RAB29: variants seen among roughly 807,000 people sequenced by gnomAD.
RAB29 encodes RAB29, member RAS oncogene family, also known as ras-related protein Rab-29.
Under a neutral mutation model 25.5 loss-of-function variants are expected in RAB29, and 13 were observed. The observed-to-expected ratio is 0.51, with a 90% CI of 0.33 to 0.81. RAB29 has a LOEUF of 0.81. Among genes scored for constraint, RAB29 ranks in the 30% least tolerant of loss-of-function variants. The pLI is 0.02. For synonymous variants in RAB29, 88 were observed against 95.0 expected (o/e 0.93, Z 0.43); for missense variants, 201 against 254.9 (o/e 0.79, Z 1.44).
chr1:205,775,411 C>T lies in RAB29; in HGVS notation c.-269G>A, dbSNP rs566088238. 6.4e-6 allele frequency: 1 copy of T among 155,438 alleles called. No individual in the cohort carries two copies. The highest frequency in any genetic ancestry group is 2.4e-5 in the African/African-American group (1 of 41,488). 9.6% of individuals were successfully genotyped at this position (155,438 alleles called of 1,614,324 possible). On this transcript the variant is annotated 5_prime_UTR_variant, in exon 1 of 6. Transcript: ENST00000367139. ...AAGGAGCAGCCGGCACCTCGATTCCCTAGACGCCCTCCCGCGCGCCTCTCT... is the reference window on the plus strand; with the variant it reads ...AAGGAGCAGCCGGCACCTCGATTCCTTAGACGCCCTCCCGCGCGCCTCTCT...
intron 2 of RAB29, among the ~76,000 whole-genome samples, chr1:205,774,047 A>G (rs1431814952): frequency 6.6e-6 from 1 of 152,184 alleles, no homozygotes; most frequent in Non-Finnish European, 1.5e-5. Context: ...CTCTGAAAAA[A>G]TAGTTGAGTC....
At position 205,768,913 on chromosome 1, in the gene RAB29, A is replaced by G. The variant is rs1654849098; in HGVS notation, c.*1429T>C. Reference sequence around the variant, plus strand: ...TATTCCCGACCAGCCAGATTTGGGAACCACTGACTTAGGACACTTATTTAA... The same window carrying G: ...TATTCCCGACCAGCCAGATTTGGGAGCCACTGACTTAGGACACTTATTTAA... On this transcript the variant is annotated 3_prime_UTR_variant, in exon 6 of 6. Coordinates refer to ENST00000367139, the MANE Select transcript of RAB29 (RefSeq NM_003929.3). The G allele has an allele frequency of 6.6e-6, 1 of 152,174 alleles. No homozygotes were observed. The highest frequency in any genetic ancestry group is 2.4e-5 in the African/African-American group (1 of 41,444). The allele number at this position is 152,174 out of a possible 1,614,324, so 9.4% of individuals were successfully genotyped here.
At chr1:205,772,696 C>A in intron 2 of RAB29, 129 bp from the exon 3 acceptor site, 1 of 834,018 alleles carries the variant, frequency 1.2e-6, no homozygotes, top group South Asian at 1.4e-5. Flanking sequence ...TAACTTTAAG[C>A]CCTCAATTCA....
chr1:205,772,425 A>G (rs539204486), intron 3 of RAB29, 71 bp downstream of exon 3: 38 of 1,506,874 alleles, frequency 2.5e-5, no homozygotes, highest in Admixed American at 6.7e-5. Context: ...TTGCTGCCCC[A>G]TTTTTTCCTC....
chr1:205,771,478 GGCCAAGAGCAGGCA>G lies in RAB29; in HGVS notation c.358_371del (p.Cys120GlnfsTer4). 1 of 1,613,984 alleles carries G rather than the reference GGCCAAGAGCAGGCA, an allele frequency of 6.2e-7. No individual in the cohort carries two copies. Among genetic ancestry groups the G allele is most frequent in the South Asian group, 1.1e-5 (1 of 91,064 alleles). The stretch of plus-strand genomic sequence containing the variant: ...TCTGAGATTGGCCACATACCTTGTT[GGCCAAGAGCAGGCA>G]GGGCACCGGCTCTCCATTGGGTAGT... On this transcript the variant is annotated frameshift_variant, in exon 4 of 6. Coordinates refer to ENST00000367139, the MANE Select transcript of RAB29 (RefSeq NM_003929.3). LOFTEE classifies it high-confidence loss of function.
intron 3 of RAB29, 98 bp downstream of exon 3, chr1:205,772,397 GA>G (rs1478087381): frequency 7.9e-7 from 1 of 1,271,928 alleles, no homozygotes; most frequent in East Asian, 2.3e-5. Context: ...TCCAGCTTCA[GA>G]AAAACAATTT....
At position 205,772,566 on chromosome 1, in the gene RAB29, C is replaced by T. The variant is rs1655082832; in HGVS notation, c.126G>A (p.Val42=). 1 of 1,611,996 alleles carries T rather than the reference C, an allele frequency of 6.2e-7. No individual in the cohort carries two copies. The part of the protein sequence containing the change: ...FSKHYKSTVG[V]DFALKVLQWS... The stretch of plus-strand genomic sequence containing the variant: ...ACTGGAGAACCTTCAGAGCAAAATC[C>T]ACTGAAAATATATGTACATTATACT... The change falls in exon 3 of 6, where the codon GTG becomes GTA. Residue 42 remains valine, a splice_region_variant and synonymous_variant. Transcript: ENST00000367139.
chr1:205,774,952 C>T lies in RAB29; in HGVS notation c.5G>A (p.Gly2Asp), dbSNP rs764742525. The part of the protein sequence containing the change: M[G>D]SRDHLFKVLV... Reference sequence around the variant, plus strand: ...CACTTTGAACAGGTGGTCGCGGCTGCCCATGGCTAGCGGGGTGTGCGTTTT... The same window carrying T: ...CACTTTGAACAGGTGGTCGCGGCTGTCCATGGCTAGCGGGGTGTGCGTTTT... Residue 2 changes from glycine to aspartate, a missense_variant, in exon 2 of 6, where the codon GGC (glycine) becomes GAC (aspartate). Physicochemically the swap from Gly to Asp is moderately conservative, Grantham distance 94 (BLOSUM62 -1). Transcript: ENST00000367139. The T allele has an allele frequency of 1.2e-6, 2 of 1,613,678 alleles. No individual in the cohort carries two copies. The highest frequency in any genetic ancestry group is 3.3e-5 in the Admixed American group (2 of 60,022).
At position 205,771,507 on chromosome 1, in the gene RAB29, C is replaced by T. The variant is rs770304610; in HGVS notation, c.343G>A (p.Gly115Arg). The change falls in exon 4 of 6, where the codon GGA (glycine) becomes AGA (arginine). Residue 115 changes from glycine to arginine, a missense_variant. By Grantham distance (125) the Gly-to-Arg change is moderately radical. Transcript: ENST00000367139. ...AAGAGCAGGCAGGGCACCGGCTCTC[C>T]ATTGGGTAGTGTGAGCTTGCTGTCT... ...DLDSKLTLPN[G>R]EPVPCLLLAN... 6.2e-7 allele frequency: 1 copy of T among 1,614,194 alleles called. No individual in the cohort carries two copies. The highest frequency in any genetic ancestry group is 8.5e-7 in the Non-Finnish European group (1 of 1,180,034).
chr1:205,771,079 A>G, intron 4 of RAB29: 1 of 534,350 alleles, frequency 1.9e-6, no homozygotes, highest in Admixed American at 3.2e-5. Flanking sequence ...CGGGCAGATC[A>G]TGAGGTCAGG....
Position 205,771,490 on chromosome 1 carries a change from G to A in RAB29, c.360C>T (p.Cys120=), listed in dbSNP as rs777906783. 1.2e-5 allele frequency: 20 copies of A among 1,614,002 alleles called. No individual in the cohort carries two copies. The African/African-American group carries it at 1.9e-4, about 15-fold the overall frequency. ...LTLPNGEPVP[C]LLLANKCDLS... ...CACATACCTTGTTGGCCAAGAGCAG[G>A]CAGGGCACCGGCTCTCCATTGGGTA... The change falls in exon 4 of 6, where the codon TGC becomes TGT. Residue 120 remains cysteine, a synonymous_variant. Transcript: ENST00000367139.
At chr1:205,770,549 G>A in intron 5 of RAB29, 96 bp from the exon 6 acceptor site, 1 of 1,415,068 alleles carries the variant, frequency 7.1e-7, no homozygotes. Flanking sequence ...ATTTGGTAAA[G>A]CCAGAAGGTT....
chr1:205,774,610 T>C (rs1218736023), intron 2 of RAB29, among the ~76,000 whole-genome samples: 1 of 152,208 alleles, frequency 6.6e-6, no homozygotes, highest in Non-Finnish European at 1.5e-5. Flanking sequence ...ACCTTTCTCC[T>C]GGCAGTGGGC....
chr1:205,771,041 G>A, intron 4 of RAB29, 187 bp from the exon 5 acceptor site: 1 of 741,282 alleles, frequency 1.3e-6, no homozygotes, highest in South Asian at 1.8e-5. Flanking sequence ...GCTCACGCCT[G>A]TAATCCCAGC....
chr1:205,770,854 AC>A lies in RAB29; in HGVS notation c.379-1del. On this transcript the variant is annotated splice_acceptor_variant, in intron 4 of 5. Transcript: ENST00000367139. LOFTEE classifies it high-confidence loss of function. ...CTCACTGCCCAAGGGGACAGATCAC[AC>A]TAGCAAAGAGAAAAAATAAAAGGCA... 2 of 1,614,030 alleles carry A rather than the reference AC, an allele frequency of 1.2e-6. No individual in the cohort carries two copies. Among genetic ancestry groups the A allele is most frequent in the Non-Finnish European group, 1.7e-6 (2 of 1,180,010 alleles).
chr1:205,771,141 A>G, intron 4 of RAB29: 1 of 459,332 alleles, frequency 2.2e-6, no homozygotes. Flanking sequence ...TACTAAAAAT[A>G]CAAAAAAATT....
rs1237801894 is a variant in RAB29 at position 205,769,993 on chromosome 1, G to GA, written c.*348dup. ...TCATGATATCAATGAATATCAAATG[G>GA]AAAAATAAGCTCAGAAGTAGGTGAG... On this transcript the variant is annotated 3_prime_UTR_variant, in exon 6 of 6. Transcript: ENST00000367139. 3.7e-6 allele frequency: 1 copy of GA among 270,798 alleles called. No individual in the cohort carries two copies. The highest frequency in any genetic ancestry group is 7.1e-6 in the Non-Finnish European group (1 of 141,346). The allele number at this position is 270,798 out of a possible 1,614,324, so 16.8% of individuals were successfully genotyped here. A position where few individuals can be genotyped will look rare whatever the true frequency, so the allele number is the denominator to read the frequency against.
At chr1:205,770,569 C>A in intron 5 of RAB29, 116 bp from the exon 6 acceptor site, 5 of 1,402,510 alleles carry the variant, frequency 3.6e-6, no homozygotes, top group Non-Finnish European at 4.9e-6. Flanking sequence ...TTAAATGCCC[C>A]TTTGTCCCCA....
Position 205,775,090 on chromosome 1 carries a change from C to G in RAB29, c.-130-4G>C, listed in dbSNP as rs1572931. On this transcript the variant is annotated splice_region_variant and splice_polypyrimidine_tract_variant and intron_variant, in intron 1 of 5. Coordinates refer to ENST00000367139, the MANE Select transcript of RAB29 (RefSeq NM_003929.3). Reference sequence around the variant, plus strand: ...TCCCACCCACCGCCTGTCTGGGCTGCTCTGACGAGAAAGCAAAAAAGGAAA... The same window carrying G: ...TCCCACCCACCGCCTGTCTGGGCTGGTCTGACGAGAAAGCAAAAAAGGAAA... 2 of 1,220,366 alleles carry G rather than the reference C, an allele frequency of 1.6e-6. No individual in the cohort carries two copies. Among genetic ancestry groups the G allele is most frequent in the African/African-American group, 3.1e-5 (2 of 65,268 alleles). The allele number at this position is 1,220,366 out of a possible 1,614,324, so 75.6% of individuals were successfully genotyped here.
Sources: gnomAD v4.1 joint callset for allele counts (sites outside exome capture counted in the v4.1 genomes callset) on GRCh38, gnomAD v4.1.1 for gene constraint, MANE v1.5 for transcripts, NCBI Gene and HGNC (gene_info 2026-07-23, HGNC 2026-07-21) for gene names.